The following DSCAM variants were observed in gnomAD, a reference collection of about 807,000 sequenced individuals.
DSCAM encodes the protein cell adhesion molecule DSCAM.
In DSCAM, 47 loss-of-function variants were observed where a neutral mutation model predicts 217.7. That is an observed-to-expected ratio of 0.22 (90% CI 0.17 to 0.28). The LOEUF is 0.28. DSCAM is among the 10% of genes least tolerant of loss of function. DSCAM has a pLI of 1.00. For missense variants in DSCAM, 2,080 were observed against 2,618.3 expected, an observed-to-expected ratio of 0.79 and a Z score of 4.49; for synonymous variants, 1,056 against 1,015.3, an observed-to-expected ratio of 1.04 and a Z score of -0.76.
chr21:40,372,520 C>T (rs1338640406), intron 3 of DSCAM, among the ~76,000 whole-genome samples: 2 of 152,156 alleles, frequency 1.3e-5, no homozygotes, highest in Non-Finnish European at 2.9e-5. Context: ...GATTTTGAGT[C>T]ATCATTTTGG....
In DSCAM at chr21:40,643,446, C is replaced by A. The variant is rs146167970; in HGVS notation, c.508+49364G>T. ...CGAGCTGCTCAGGAGGACTTCAGAG[C>A]CTTAACTGTGCACTGAGAAGCTCTC... On this transcript the variant is annotated intron_variant, in intron 3 of 32. Transcript: ENST00000400454. 3.3e-5 allele frequency among the ~76,000 whole-genome samples: 5 copies of A among 152,258 alleles called. No homozygotes were observed. In the East Asian group the frequency reaches 7.7e-4, roughly 24 times the overall value.
chr21:40,498,982 G>A (rs1439841862), intron 3 of DSCAM, among the ~76,000 whole-genome samples: 1 of 151,492 alleles, frequency 6.6e-6, no homozygotes, highest in Non-Finnish European at 1.5e-5. Context: ...TTATAGCAAT[G>A]TAATACGCAG....
chr21:40,325,150 C>A (rs966179640), intron 8 of DSCAM, among the ~76,000 whole-genome samples: 2 of 151,652 alleles, frequency 1.3e-5, no homozygotes, highest in African/African-American at 4.8e-5. Flanking sequence ...CTTGAAGAGG[C>A]TTTTTTTTAA....
chr21:40,485,352 C>T (rs572892548), intron 3 of DSCAM, among the ~76,000 whole-genome samples: 2 of 151,538 alleles, frequency 1.3e-5, no homozygotes, highest in African/African-American at 2.4e-5. Context: ...ACGCCATTCT[C>T]CTGCCTCAGC....
At position 40,431,910 on chromosome 21, in the gene DSCAM, A is replaced by T. The variant is rs534176095; in HGVS notation, c.509-62665T>A. On this transcript the variant is annotated intron_variant, in intron 3 of 32. Coordinates refer to ENST00000400454, the MANE Select transcript of DSCAM (RefSeq NM_001389.5). ...TAGAAACTGATTCTCTTATAAATGT[A>T]TTCTTCTGGCCAGGTGTGGTGGCTT... 2.0e-5 allele frequency among the ~76,000 whole-genome samples: 3 copies of T among 152,304 alleles called. No individual in the cohort carries two copies. In the East Asian group the frequency reaches 5.8e-4, roughly 29 times the overall value.
At chr21:40,096,219 C>T (rs975507648) in intron 20 of DSCAM, among the ~76,000 whole-genome samples, 18 of 152,076 alleles carry the variant, frequency 1.2e-4, no homozygotes, top group Non-Finnish European at 2.5e-4. Context: ...CCCCTCCTCA[C>T]GAGCCCCCTC....
chr21:40,061,366 C>T (rs747800547), intron 28 of DSCAM, among the ~76,000 whole-genome samples: 26 of 151,878 alleles, frequency 1.7e-4, no homozygotes, highest in Middle Eastern at 3.2e-3. Context: ...GTCAGGAGTT[C>T]GAGACCAGCC....
intron 11 of DSCAM, among the ~76,000 whole-genome samples, chr21:40,202,115 C>T (rs191522355): frequency 1.3e-5 from 2 of 152,274 alleles, no homozygotes; most frequent in Non-Finnish European, 2.9e-5. Flanking sequence ...ACCCATGTGG[C>T]CTATGGAGAG....
intron 11 of DSCAM, among the ~76,000 whole-genome samples, chr21:40,267,838 G>T (rs990451848): frequency 6.6e-5 from 10 of 152,100 alleles, no homozygotes; most frequent in Non-Finnish European, 1.3e-4. Flanking sequence ...GGAGGTTGTA[G>T]TGAGCTGAGA....
At chr21:40,373,873 C>T (rs1430143731) in intron 3 of DSCAM, among the ~76,000 whole-genome samples, 1 of 152,198 alleles carries the variant, frequency 6.6e-6, no homozygotes, top group Non-Finnish European at 1.5e-5. Flanking sequence ...TAACTCTAAA[C>T]TTTGCTTTCT....
At chr21:40,591,130 C>T (rs188879540) in intron 3 of DSCAM, among the ~76,000 whole-genome samples, 14 of 152,264 alleles carry the variant, frequency 9.2e-5, no homozygotes, top group African/African-American at 3.4e-4. Flanking sequence ...GGTAGAACTT[C>T]CTGCATTCAA....
intron 8 of DSCAM, among the ~76,000 whole-genome samples, chr21:40,337,523 T>C (rs1352807703): frequency 6.6e-6 from 1 of 152,174 alleles, no homozygotes; most frequent in Non-Finnish European, 1.5e-5. Context: ...TTGTAGTCAA[T>C]TCAAATTGCA....
chr21:40,331,280 G>T (rs753044328), intron 8 of DSCAM, among the ~76,000 whole-genome samples: 3 of 152,256 alleles, frequency 2.0e-5, no homozygotes, highest in East Asian at 1.9e-4. Flanking sequence ...CTGAAAGCAG[G>T]AGTGGGGAAA....
intron 3 of DSCAM, among the ~76,000 whole-genome samples, chr21:40,586,975 A>G (rs2076951237): frequency 6.6e-6 from 1 of 152,222 alleles, no homozygotes. Flanking sequence ...AGATACAAAA[A>G]TAAAGAAGAG....
chr21:40,729,114 A>C (rs1448902391), intron 1 of DSCAM, among the ~76,000 whole-genome samples: 1 of 152,234 alleles, frequency 6.6e-6, no homozygotes, highest in African/African-American at 2.4e-5. Flanking sequence ...TATGGAATAC[A>C]CATTATGTGC....
intron 10 of DSCAM, among the ~76,000 whole-genome samples, chr21:40,285,174 G>A (rs1193159739): frequency 2.0e-5 from 3 of 152,182 alleles, no homozygotes; most frequent in Non-Finnish European, 2.9e-5. Context: ...AGTGGTTGAG[G>A]TGACTCAATT....
chr21:40,138,048 T>C (rs995648882), intron 18 of DSCAM, among the ~76,000 whole-genome samples: 1 of 152,114 alleles, frequency 6.6e-6, no homozygotes, highest in South Asian at 2.1e-4. Flanking sequence ...TTTCTGACCA[T>C]GAAAAAAAAA....
intron 9 of DSCAM, among the ~76,000 whole-genome samples, chr21:40,304,971 A>G (rs2074056058): frequency 1.3e-5 from 2 of 152,192 alleles, no homozygotes; most frequent in African/African-American, 4.8e-5. Context: ...AGAATTACCA[A>G]AATGTGACAT....
chr21:40,837,120 C>T (rs1215967918), intron 1 of DSCAM, among the ~76,000 whole-genome samples: 1 of 152,212 alleles, frequency 6.6e-6, no homozygotes. Flanking sequence ...TGTGGTCTAC[C>T]TCTTATCCTG....
Sources: allele counts gnomAD v4.1 joint callset (sites outside exome capture counted in the v4.1 genomes callset), GRCh38; gene constraint gnomAD v4.1.1; transcripts MANE v1.5; gene names NCBI Gene and HGNC (gene_info 2026-07-23, HGNC 2026-07-21).